The following KIZ variants were observed in gnomAD, a reference collection of about 807,000 sequenced individuals.
The protein encoded by KIZ is centrosomal protein kizuna.
A neutral mutation model predicts 79.6 loss-of-function variants in KIZ; 68 were observed. That is an observed-to-expected ratio of 0.85 (90% CI 0.70 to 1.05). The LOEUF (loss-of-function observed/expected upper bound fraction) is 1.05. Ranked by LOEUF, KIZ falls within the 50% of genes least tolerant of loss-of-function variation. The pLI, the probability that KIZ is intolerant of heterozygous loss-of-function variation, is 0.00. For missense variants in KIZ, 797 were observed against 800.4 expected (o/e 1.00, Z 0.05); for synonymous variants, 280 against 281.8 (o/e 0.99, Z 0.06).
chr20:21,166,318 G>A, intron 6 of KIZ: 1 of 1,603,886 alleles, frequency 6.2e-7, no homozygotes, highest in East Asian at 2.2e-5. Context: ...CAGGATGGAA[G>A]CAGATTATTC....
chr20:21,175,718 G>A (rs1433878725), intron 6 of KIZ, among the ~76,000 whole-genome samples: 1 of 152,186 alleles, frequency 6.6e-6, no homozygotes, highest in East Asian at 1.9e-4. Flanking sequence ...CCTTAGTTAA[G>A]TCTCTAGGAG....
Position 21,178,258 on chromosome 20 carries a change from A to G in KIZ, c.1352+15099A>G, listed in dbSNP as rs549377699. Among the ~76,000 whole-genome samples the G allele has an allele frequency of 1.2e-3, 179 of 152,074 alleles. 6 individuals are homozygous for G. Among genetic ancestry groups the G allele is most frequent in the Middle Eastern group, 3.4e-3 (1 of 294 alleles). On this transcript the variant is annotated intron_variant, in intron 6 of 12. Transcript: ENST00000619189. ...GTATCTTCTTTAATTTCTGTCATCA[A>G]TGTTTTGTAGTTTTTAGCATGGAAG...
At chr20:21,144,396 G>A (rs1287516103) in intron 3 of KIZ, among the ~76,000 whole-genome samples, 4 of 152,092 alleles carry the variant, frequency 2.6e-5, no homozygotes, top group Non-Finnish European at 5.9e-5. Flanking sequence ...TAAAGCTCTT[G>A]GGGCTAAAAT....
chr20:21,202,285 A>T (rs1568971719), intron 6 of KIZ: 1 of 152,260 alleles, frequency 6.6e-6, no homozygotes, highest in Non-Finnish European at 1.5e-5. Context: ...CCAAAAGCAT[A>T]GTTGACTTAC....
chr20:21,243,849 AT>A (rs781011350), intron 11 of KIZ, among the ~76,000 whole-genome samples: 2 of 152,170 alleles, frequency 1.3e-5, no homozygotes, highest in African/African-American at 4.8e-5. Flanking sequence ...CAAGTGTTTC[AT>A]TTTTAGCTTG....
At chr20:21,126,253 TC>T (rs2031456375) in intron 1 of KIZ, 49 bp downstream of exon 1, 1 of 1,237,472 alleles carries the variant, frequency 8.1e-7, no homozygotes, top group Non-Finnish European at 1.1e-6. Flanking sequence ...CCGGGGGTCT[TC>T]CGCGTGCCCT....
At chr20:21,197,511 T>C (rs902307255) in intron 6 of KIZ, 5 of 152,218 alleles carry the variant, frequency 3.3e-5, no homozygotes, top group African/African-American at 1.2e-4. Flanking sequence ...AAAATTAGCC[T>C]TTTCTGCTGT....
At chr20:21,244,153 C>T in intron 11 of KIZ, 92 bp from the exon 12 acceptor site, 1 of 884,378 alleles carries the variant, frequency 1.1e-6, no homozygotes, top group Admixed American at 2.1e-5. Context: ...TCCAGTGAAT[C>T]AAAGTGCTTC....
At position 21,185,568 on chromosome 20, in the gene KIZ, C is replaced by T. The variant is rs557016624; in HGVS notation, c.1353-19923C>T. On this transcript the variant is annotated intron_variant, in intron 6 of 12. Coordinates refer to ENST00000619189, the MANE Select transcript of KIZ (RefSeq NM_018474.6). ...GGGATTACAGGCAGCCACCACCACA[C>T]CCGGCTAATTTTTGTACTTTTAGTA... is the stretch of plus-strand genomic sequence containing the variant. Among the ~76,000 whole-genome samples the T allele has an allele frequency of 1.1e-4, 16 of 151,740 alleles. No individual in the cohort carries two copies. In the South Asian group the frequency reaches 2.7e-3, roughly 26 times the overall value.
chr20:21,238,352 AGTGT>A (rs1555889304), intron 11 of KIZ, among the ~76,000 whole-genome samples: 2 of 149,138 alleles, frequency 1.3e-5, no homozygotes, highest in Non-Finnish European at 3.0e-5. Context: ...AGAGAGAGAG[AGTGT>A]GTGTGTGTGT....
chr20:21,136,514 C>G lies in KIZ; in HGVS notation c.277C>G (p.His93Asp). Residue 93 changes from histidine (H) to aspartate (D), a missense_variant, in exon 3 of 13, where the codon CAC becomes GAC. His to Asp is a moderately conservative substitution (Grantham distance 81). Transcript: ENST00000619189. ...TGAGCGTGTCCAAGCTCATGTTGTACACTTCACCACAAATACAGAGAAGCT... is the reference window on the plus strand; with the variant it reads ...TGAGCGTGTCCAAGCTCATGTTGTAGACTTCACCACAAATACAGAGAAGCT... ...RFERVQAHVV[H>D]FTTNTEKLQK... 6.3e-7 allele frequency: 1 copy of G among 1,591,692 alleles called. No homozygotes were observed. Among genetic ancestry groups the G allele is most frequent in the Non-Finnish European group, 8.5e-7 (1 of 1,170,418 alleles).
chr20:21,178,858 C>T (rs2034538498), intron 6 of KIZ, among the ~76,000 whole-genome samples: 1 of 152,034 alleles, frequency 6.6e-6, no homozygotes, highest in African/African-American at 2.4e-5. Context: ...CATTCTGTTA[C>T]TGTGGTGTAT....
At chr20:21,128,005 C>G (rs16982493) in intron 1 of KIZ, among the ~76,000 whole-genome samples, 2,496 of 152,136 alleles carry the variant, frequency 0.016, 70 homozygotes, top group African/African-American at 0.056. Context: ...TTGGATGTAC[C>G]TTTTTGTTTG....
intron 7 of KIZ, among the ~76,000 whole-genome samples, chr20:21,212,214 TG>T (rs1237760383): frequency 6.6e-6 from 1 of 152,252 alleles, no homozygotes; most frequent in Admixed American, 6.5e-5. Context: ...TCTTAAAAGA[TG>T]TGTTCTTTTA....
chr20:21,164,126 C>G (rs1178335262), intron 6 of KIZ, among the ~76,000 whole-genome samples: 5 of 152,208 alleles, frequency 3.3e-5, no homozygotes, highest in African/African-American at 4.8e-5. Flanking sequence ...GCTGGTCACC[C>G]TTTCATTTCC....
At chr20:21,146,729 T>C (rs1159249639) in intron 4 of KIZ, among the ~76,000 whole-genome samples, 1 of 152,214 alleles carries the variant, frequency 6.6e-6, no homozygotes, top group Non-Finnish European at 1.5e-5. Context: ...TTTGTTTTTA[T>C]AGTAGGAGGA....
chr20:21,155,548 G>A (rs989277505), intron 4 of KIZ, among the ~76,000 whole-genome samples: 23 of 152,074 alleles, frequency 1.5e-4, no homozygotes, highest in African/African-American at 4.8e-4. Context: ...GGGGAGTTAC[G>A]CTAAAAGGTA....
chr20:21,154,177 T>C (rs563831006), intron 4 of KIZ: 1 of 152,324 alleles, frequency 6.6e-6, no homozygotes, highest in East Asian at 1.9e-4. Flanking sequence ...TTTAACTTGC[T>C]GCTTCTCATT....
intron 3 of KIZ, among the ~76,000 whole-genome samples, chr20:21,143,854 T>G (rs750538587): frequency 7.2e-5 from 11 of 152,166 alleles, no homozygotes; most frequent in Non-Finnish European, 1.3e-4. Context: ...TAACCAGGTG[T>G]TGTATGCAAA....
Sources: allele counts gnomAD v4.1 joint callset (sites outside exome capture counted in the v4.1 genomes callset), GRCh38; gene constraint gnomAD v4.1.1; transcripts MANE v1.5; gene names NCBI Gene and HGNC (gene_info 2026-07-23, HGNC 2026-07-21).